The following RAB3C variants were observed in gnomAD, a reference collection of about 807,000 sequenced individuals.
The protein encoded by RAB3C is RAB3C, member RAS oncogene family.
RAB3C carries 17 observed loss-of-function variants against 26.4 expected under a neutral mutation model. The observed-to-expected ratio is 0.64, with a 90% CI of 0.44 to 0.97. RAB3C has a LOEUF of 0.97. RAB3C is among the 50% of genes least tolerant of loss of function. The pLI is 0.00. For synonymous variants in RAB3C, 91 were observed against 95.9 expected (o/e 0.95, Z 0.30); for missense variants, 242 against 281.9 (o/e 0.86, Z 1.01).
Position 58,855,655 on chromosome 5 carries a change from C to A in RAB3C, c.*4304C>A, listed in dbSNP as rs1744241793. 1 of 152,180 alleles carries A rather than the reference C, an allele frequency of 6.6e-6. No homozygotes were observed. Among genetic ancestry groups the A allele is most frequent in the African/African-American group, 2.4e-5 (1 of 41,436 alleles). The allele number at this position is 152,180 out of a possible 1,614,324, so 9.4% of individuals were successfully genotyped here. A position where few individuals can be genotyped will look rare whatever the true frequency, so the allele number is the denominator to read the frequency against. On this transcript the variant is annotated 3_prime_UTR_variant, in exon 5 of 5. Transcript: ENST00000282878. ...TTTCTGATATGCTGAACCTTTGAGC[C>A]AGCTTTTGGGAGTTCTTCATATTTT... is the stretch of plus-strand genomic sequence containing the variant.
intron 1 of RAB3C, among the ~76,000 whole-genome samples, chr5:58,584,006 C>T (rs1014524515): frequency 9.9e-5 from 15 of 152,174 alleles, no homozygotes; most frequent in African/African-American, 3.6e-4. Flanking sequence ...AGTGATAATT[C>T]TCGTCTCTAT....
At chr5:58,699,467 C>T (rs113347791) in intron 2 of RAB3C, among the ~76,000 whole-genome samples, 17,760 of 152,186 alleles carry the variant, frequency 0.12, 1,215 homozygotes, top group East Asian at 0.19. Context: ...AACGCTCAAA[C>T]GCCATGCTGG....
At chr5:58,729,880 T>C (rs1005686297) in intron 3 of RAB3C, among the ~76,000 whole-genome samples, 148 of 146,736 alleles carry the variant, frequency 1.0e-3, no homozygotes, top group African/African-American at 3.6e-3. Context: ...ATATTATATA[T>C]ACACATATAC....
chr5:58,618,732 T>C (rs777403267), intron 2 of RAB3C, among the ~76,000 whole-genome samples: 1 of 152,214 alleles, frequency 6.6e-6, no homozygotes, highest in Non-Finnish European at 1.5e-5. Context: ...TCGTAATATG[T>C]ACATAGGAAG....
intron 2 of RAB3C, among the ~76,000 whole-genome samples, chr5:58,693,353 T>TATAC (rs1561291415): frequency 7.0e-6 from 1 of 142,292 alleles, no homozygotes; most frequent in Non-Finnish European, 1.5e-5. Context: ...TATATATATA[T>TATAC]ATATATATAA....
intron 1 of RAB3C, among the ~76,000 whole-genome samples, chr5:58,595,027 C>T (rs1456777793): frequency 1.3e-5 from 2 of 152,090 alleles, no homozygotes. Flanking sequence ...CATTTGGACA[C>T]AGGTCTCCTT....
In RAB3C at chr5:58,648,373, C is replaced by G. The variant is rs111475304; in HGVS notation, c.252+30503C>G. ...TGTGTGTGCAAAGATGAACAAGACT[C>G]CCTGCTTAGTGTCTTCTCTTAGAGA... On this transcript the variant is annotated intron_variant, in intron 2 of 4. Transcript: ENST00000282878. 8.6e-3 allele frequency among the ~76,000 whole-genome samples: 1,311 copies of G among 152,278 alleles called. 16 individuals carry two copies. The highest frequency in any genetic ancestry group is 0.03 in the African/African-American group (1,255 of 41,536).
chr5:58,700,150 A>G (rs1366328953), intron 2 of RAB3C, among the ~76,000 whole-genome samples: 1 of 152,216 alleles, frequency 6.6e-6, no homozygotes, highest in Non-Finnish European at 1.5e-5. Context: ...GACCCCATCT[A>G]TACAATTTTT....
At chr5:58,826,173 C>G (rs967928505) in intron 4 of RAB3C, among the ~76,000 whole-genome samples, 1 of 151,712 alleles carries the variant, frequency 6.6e-6, no homozygotes, top group African/African-American at 2.4e-5. Flanking sequence ...AGAGAGGGCC[C>G]CCGGGGAGAT....
chr5:58,691,679 C>A (rs985922243), intron 2 of RAB3C, among the ~76,000 whole-genome samples: 1 of 152,166 alleles, frequency 6.6e-6, no homozygotes, highest in Non-Finnish European at 1.5e-5. Flanking sequence ...GCTTCTGGTA[C>A]TGTGCCTGTA....
chr5:58,775,191 A>G (rs531855834), intron 3 of RAB3C, among the ~76,000 whole-genome samples: 1 of 152,206 alleles, frequency 6.6e-6, no homozygotes, highest in South Asian at 2.1e-4. Context: ...CATCGCCTCC[A>G]TACTTTCTGT....
At chr5:58,738,239 G>A (rs1333212114) in intron 3 of RAB3C, among the ~76,000 whole-genome samples, 1 of 151,848 alleles carries the variant, frequency 6.6e-6, no homozygotes, top group African/African-American at 2.4e-5. Context: ...AATTCCCCAG[G>A]CTGAACACTG....
chr5:58,835,317 C>T (rs926090903), intron 4 of RAB3C, among the ~76,000 whole-genome samples: 13 of 152,170 alleles, frequency 8.5e-5, no homozygotes, highest in African/African-American at 3.1e-4. Context: ...CTTTCCTATA[C>T]TCCTTCTTAC....
Position 58,746,496 on chromosome 5 carries a change from A to G in RAB3C, c.371+20376A>G, listed in dbSNP as rs1407136338. 3.3e-5 allele frequency among the ~76,000 whole-genome samples: 5 copies of G among 152,194 alleles called. 1 individual carries two copies. Among genetic ancestry groups the G allele is most frequent in the Non-Finnish European group, 7.3e-5 (5 of 68,038 alleles). On this transcript the variant is annotated intron_variant, in intron 3 of 4. Transcript: ENST00000282878. The stretch of plus-strand genomic sequence containing the variant: ...CACGTAGCCATCCTTATAATATTCT[A>G]GAGAACTACATGTGGGAGCTTGAGC...
chr5:58,681,681 A>G (rs1020850135), intron 2 of RAB3C, among the ~76,000 whole-genome samples: 1 of 152,220 alleles, frequency 6.6e-6, no homozygotes, highest in South Asian at 2.1e-4. Flanking sequence ...TTGAGGATAC[A>G]TACAAGAAAA....
At chr5:58,823,683 C>A in intron 3 of RAB3C, 1 of 206,300 alleles carries the variant, frequency 4.8e-6, no homozygotes, top group South Asian at 9.5e-5. Flanking sequence ...GGGAAGCTTC[C>A]TCAGACCTCA....
At chr5:58,817,714 T>C (rs1030023290) in intron 3 of RAB3C, among the ~76,000 whole-genome samples, 2 of 152,160 alleles carry the variant, frequency 1.3e-5, no homozygotes, top group African/African-American at 4.8e-5. Flanking sequence ...TTAATACCTC[T>C]GATGGAGACT....
intron 2 of RAB3C, among the ~76,000 whole-genome samples, chr5:58,649,089 A>G (rs111866223): frequency 0.086 from 13,152 of 152,190 alleles, 644 homozygotes; most frequent in East Asian, 0.18. Context: ...TCCTGGCTAG[A>G]CAGCCACTTC....
At chr5:58,695,782 A>T (rs2111868369) in intron 2 of RAB3C, among the ~76,000 whole-genome samples, 1 of 152,318 alleles carries the variant, frequency 6.6e-6, no homozygotes, top group East Asian at 1.9e-4. Flanking sequence ...TTGTATCCTG[A>T]GACTTTGCTG....
Sources: allele counts gnomAD v4.1 joint callset (sites outside exome capture counted in the v4.1 genomes callset), GRCh38; gene constraint gnomAD v4.1.1; transcripts MANE v1.5; gene names NCBI Gene and HGNC (gene_info 2026-07-23, HGNC 2026-07-21).